Variants in METTL15 observed in about 807,000 individuals in gnomAD.
The protein encoded by METTL15 is 12S rRNA N(4)-cytidine methyltransferase METTL15.
A neutral mutation model predicts 38.3 loss-of-function variants in METTL15; 34 were observed. The observed-to-expected ratio is 0.89, with a 90% confidence interval of 0.68 to 1.18. METTL15 has a LOEUF of 1.18. METTL15 is among the 50% of genes most tolerant of loss of function. The pLI, the probability that METTL15 is intolerant of heterozygous loss-of-function variation, is 0.00. For missense variants in METTL15, 438 were observed against 498.4 expected, an observed-to-expected ratio of 0.88 and a Z score of 1.15; for synonymous variants, 162 against 170.9, an observed-to-expected ratio of 0.95 and a Z score of 0.41.
At chr11:28,448,681 G>A (rs759066458) in intron 6 of METTL15, among the ~76,000 whole-genome samples, 5 of 151,966 alleles carry the variant, frequency 3.3e-5, no homozygotes, top group African/African-American at 4.8e-5. Flanking sequence ...TGCATTTATA[G>A]AATATTTTCT....
intron 4 of METTL15, among the ~76,000 whole-genome samples, chr11:28,233,371 A>C (rs1338495149): frequency 2.6e-5 from 4 of 152,128 alleles, no homozygotes; most frequent in Non-Finnish European, 5.9e-5. Flanking sequence ...ATTTTCTTGT[A>C]TAAATGATTA....
intron 4 of METTL15, among the ~76,000 whole-genome samples, chr11:28,252,815 G>A (rs913660577): frequency 1.3e-5 from 2 of 151,922 alleles, no homozygotes; most frequent in South Asian, 2.1e-4. Flanking sequence ...AGTTGTCCAC[G>A]TCCACTCCCT....
Position 28,330,797 on chromosome 11 carries a change from C to T in METTL15, c.1180C>T (p.Pro394Ser), listed in dbSNP as rs2134064757. The T allele has an allele frequency of 3.2e-6, 5 of 1,551,296 alleles. No individual in the cohort carries two copies. The highest frequency in any genetic ancestry group is 2.7e-5 in the African/African-American group (2 of 73,082). The change falls in exon 7 of 7, where the codon CCC becomes TCC. Residue 394 changes from proline to serine, a missense_variant. Transcript: ENST00000407364. ...SPQDQDVQDN[P>S]RGRSAKLRAA... ...ACAAGATCAGGATGTACAAGATAACCCCAGAGGGCGCTCAGCCAAGCTTAG... is the reference window on the plus strand; with the variant it reads ...ACAAGATCAGGATGTACAAGATAACTCCAGAGGGCGCTCAGCCAAGCTTAG...
chr11:28,244,761 A>C (rs970364174), intron 4 of METTL15, among the ~76,000 whole-genome samples: 9 of 152,368 alleles, frequency 5.9e-5, no homozygotes, highest in African/African-American at 2.2e-4. Flanking sequence ...GAAGCCAAAC[A>C]GGGAGGCACA....
At chr11:28,513,350 C>T (rs1851692178) in intron 6 of METTL15, among the ~76,000 whole-genome samples, 2 of 152,138 alleles carry the variant, frequency 1.3e-5, no homozygotes, top group East Asian at 1.9e-4. Flanking sequence ...TACCACTTAC[C>T]GGCTGCAACG....
At chr11:28,505,912 G>C (rs898109220) in intron 6 of METTL15, among the ~76,000 whole-genome samples, 1 of 152,180 alleles carries the variant, frequency 6.6e-6, no homozygotes. Context: ...GCACACTTCT[G>C]TGCCTAACCC....
At chr11:28,501,662 C>G (rs1851583660) in intron 6 of METTL15, among the ~76,000 whole-genome samples, 1 of 152,158 alleles carries the variant, frequency 6.6e-6, no homozygotes, top group Non-Finnish European at 1.5e-5. Flanking sequence ...GTTTTGCCAG[C>G]TGCAAACTTC....
intron 6 of METTL15, among the ~76,000 whole-genome samples, chr11:28,426,705 CAT>C (rs1240944877): frequency 2.8e-5 from 4 of 142,800 alleles, no homozygotes; most frequent in South Asian, 2.2e-4. Flanking sequence ...AGCTTTTTTT[CAT>C]ATGTTTATTG....
At chr11:28,514,706 G>C (rs1212914216) in intron 6 of METTL15, among the ~76,000 whole-genome samples, 1 of 152,170 alleles carries the variant, frequency 6.6e-6, no homozygotes, top group Non-Finnish European at 1.5e-5. Flanking sequence ...TCCCAGCCCT[G>C]TTCACCTTGC....
chr11:28,126,576 G>C (rs527771056), intron 3 of METTL15, among the ~76,000 whole-genome samples: 1 of 152,176 alleles, frequency 6.6e-6, no homozygotes, highest in Non-Finnish European at 1.5e-5. Flanking sequence ...ATGATTGGGT[G>C]AAGAGAGGCA....
At chr11:28,190,961 A>G (rs1363602107) in intron 3 of METTL15, among the ~76,000 whole-genome samples, 2 of 151,396 alleles carry the variant, frequency 1.3e-5, no homozygotes, top group Admixed American at 1.3e-4. Context: ...CTTACATTAT[A>G]CTGTATAATG....
intron 3 of METTL15, among the ~76,000 whole-genome samples, chr11:28,201,631 A>C (rs575496305): frequency 7.3e-4 from 1 of 1,372 alleles, no homozygotes; most frequent in South Asian, 0.016. Context: ...GTGTCCAGGA[A>C]TTTATCCATT....
chr11:28,364,029 C>T (rs957723092), intron 5 of METTL15, among the ~76,000 whole-genome samples: 3 of 152,164 alleles, frequency 2.0e-5, no homozygotes, highest in South Asian at 2.1e-4. Context: ...TATTCTGTTT[C>T]GCTGGTCTGC....
At chr11:28,135,895 T>G (rs866925409) in intron 3 of METTL15, among the ~76,000 whole-genome samples, 6 of 152,286 alleles carry the variant, frequency 3.9e-5, no homozygotes, top group Middle Eastern at 3.4e-3. Context: ...AAAGATTACT[T>G]CAGTTTTCTG....
At chr11:28,380,069 T>A (rs776947105) in intron 5 of METTL15, among the ~76,000 whole-genome samples, 1 of 152,166 alleles carries the variant, frequency 6.6e-6, no homozygotes, top group East Asian at 1.9e-4. Context: ...TTGTTCCCAC[T>A]CTTCATTTTT....
chr11:28,145,524 T>C (rs982836528), intron 3 of METTL15: 6 of 152,072 alleles, frequency 3.9e-5, no homozygotes, highest in African/African-American at 1.2e-4. Flanking sequence ...ATGTTAGAAC[T>C]GGCTTTGGCC....
intron 6 of METTL15, among the ~76,000 whole-genome samples, chr11:28,467,577 A>G (rs1426692977): frequency 6.6e-6 from 1 of 152,150 alleles, no homozygotes; most frequent in Non-Finnish European, 1.5e-5. Context: ...TCTCTCCTAC[A>G]GAAACCACAG....
chr11:28,498,659 T>C (rs1851556266), intron 6 of METTL15, among the ~76,000 whole-genome samples: 1 of 152,232 alleles, frequency 6.6e-6, no homozygotes, highest in African/African-American at 2.4e-5. Context: ...TCCCTTTATG[T>C]AAGCACTGCC....
chr11:28,273,308 C>T (rs908045033), intron 4 of METTL15, among the ~76,000 whole-genome samples: 2 of 151,940 alleles, frequency 1.3e-5, no homozygotes, highest in Non-Finnish European at 2.9e-5. Context: ...ATAATTTATT[C>T]TTTTGATTAT....
Sources: gnomAD v4.1 joint callset for allele counts (sites outside exome capture counted in the v4.1 genomes callset) on GRCh38, gnomAD v4.1.1 for gene constraint, MANE v1.5 for transcripts, NCBI Gene and HGNC (gene_info 2026-07-23, HGNC 2026-07-21) for gene names.